Variants in FHIT observed in about 807,000 individuals in gnomAD.
FHIT encodes fragile histidine triad diadenosine triphosphatase, also known as bis(5'-adenosyl)-triphosphatase.
In FHIT, 19 loss-of-function variants were observed where a neutral mutation model predicts 17.9. The ratio of observed to expected loss-of-function variants is 1.06; its 90% CI spans 0.74 to 1.56. The LOEUF is 1.56. FHIT is among the 40% of genes most tolerant of loss of function. The pLI is 0.00. For missense variants in FHIT, 248 were observed against 189.2 expected, an observed-to-expected ratio of 1.31 and a Z score of -1.82; for synonymous variants, 81 against 69.7, an observed-to-expected ratio of 1.16 and a Z score of -0.81.
intron 4 of FHIT, among the ~76,000 whole-genome samples, chr3:60,611,315 T>C (rs1553673491): frequency 6.6e-6 from 1 of 152,158 alleles, no homozygotes; most frequent in East Asian, 1.9e-4. Flanking sequence ...TAGGTAGATG[T>C]TTATGGTAAA....
intron 5 of FHIT, among the ~76,000 whole-genome samples, chr3:60,445,151 A>C (rs1320720283): frequency 6.6e-6 from 1 of 152,062 alleles, no homozygotes; most frequent in Non-Finnish European, 1.5e-5. Context: ...TTGCTTGGAA[A>C]ACAGAGTAAG....
At chr3:59,965,495 G>A (rs1294511523) in intron 7 of FHIT, among the ~76,000 whole-genome samples, 1 of 152,088 alleles carries the variant, frequency 6.6e-6, no homozygotes, top group Non-Finnish European at 1.5e-5. Flanking sequence ...GCAGAACTGT[G>A]TCTTCTTCCA....
At chr3:59,794,497 C>T (rs1191995093) in intron 8 of FHIT, among the ~76,000 whole-genome samples, 1 of 152,128 alleles carries the variant, frequency 6.6e-6, no homozygotes, top group Non-Finnish European at 1.5e-5. Flanking sequence ...CTTAAATTAA[C>T]AAAAGTAGCC....
chr3:60,494,771 T>C (rs2034224637), intron 5 of FHIT, among the ~76,000 whole-genome samples: 1 of 152,210 alleles, frequency 6.6e-6, no homozygotes, highest in African/African-American at 2.4e-5. Flanking sequence ...CAGAATGACC[T>C]CCAGTTCCAT....
intron 3 of FHIT, among the ~76,000 whole-genome samples, chr3:60,867,555 G>C (rs1195081143): frequency 6.6e-6 from 1 of 152,138 alleles, no homozygotes; most frequent in African/African-American, 2.4e-5. Flanking sequence ...GATACTACTT[G>C]TTTCATCCAG....
At chr3:60,420,535 A>G (rs1409098622) in intron 5 of FHIT, among the ~76,000 whole-genome samples, 2 of 152,142 alleles carry the variant, frequency 1.3e-5, no homozygotes, top group African/African-American at 4.8e-5. Context: ...ATTTCTCCAC[A>G]TTCTAACAGC....
chr3:60,988,895 C>G (rs941037000), intron 3 of FHIT, among the ~76,000 whole-genome samples: 1 of 108,970 alleles, frequency 9.2e-6, no homozygotes, highest in Non-Finnish European at 1.7e-5. Context: ...TGATTCTAAA[C>G]GATACTTGTT....
intron 5 of FHIT, among the ~76,000 whole-genome samples, chr3:60,501,845 G>A (rs17609699): frequency 0.091 from 13,897 of 152,194 alleles, 772 homozygotes; most frequent in South Asian, 0.2. Flanking sequence ...TGTATATTAC[G>A]TGCATACACA....
intron 5 of FHIT, among the ~76,000 whole-genome samples, chr3:60,279,222 C>T (rs1390763): frequency 0.49 from 74,814 of 151,750 alleles, 19,319 homozygotes; most frequent in East Asian, 0.74. Context: ...ACTGATCTCA[C>T]GGATATTAAA....
At chr3:59,799,568 T>C (rs944448957) in intron 8 of FHIT, among the ~76,000 whole-genome samples, 3 of 152,104 alleles carry the variant, frequency 2.0e-5, no homozygotes, top group African/African-American at 7.2e-5. Flanking sequence ...AGTAAATAAA[T>C]TGGGTAAAGA....
At chr3:61,169,664 G>A (rs982333137) in intron 2 of FHIT, among the ~76,000 whole-genome samples, 1 of 152,108 alleles carries the variant, frequency 6.6e-6, no homozygotes, top group Non-Finnish European at 1.5e-5. Context: ...CTTTTAAAAT[G>A]ATACAAGACA....
intron 5 of FHIT, among the ~76,000 whole-genome samples, chr3:60,094,536 T>G (rs1203219588): frequency 2.0e-5 from 3 of 152,214 alleles, no homozygotes; most frequent in Non-Finnish European, 4.4e-5. Context: ...TTTCACTGTT[T>G]CCTATTCTGA....
At chr3:61,229,524 A>G (rs2040048607) in intron 1 of FHIT, among the ~76,000 whole-genome samples, 1 of 152,282 alleles carries the variant, frequency 6.6e-6, no homozygotes, top group South Asian at 2.1e-4. Flanking sequence ...ATAACTCCCA[A>G]TTACTTAGCT....
At chr3:60,346,404 C>A (rs1199570806) in intron 5 of FHIT, among the ~76,000 whole-genome samples, 1 of 152,136 alleles carries the variant, frequency 6.6e-6, no homozygotes, top group Non-Finnish European at 1.5e-5. Flanking sequence ...CTCTTGTCAA[C>A]TGGACATGCC....
rs538898626 is a variant in FHIT, at chr3:60,580,442, A to C, written c.-17-43463T>G. ...AATTATGATGATAGGAATTACTACTAGACTTTGAGTTTTAATCCCAGTAAC... is the reference window on the plus strand; with the variant it reads ...AATTATGATGATAGGAATTACTACTCGACTTTGAGTTTTAATCCCAGTAAC... On this transcript the variant is annotated intron_variant, in intron 4 of 9. Transcript: ENST00000492590. Among the ~76,000 whole-genome samples, 16 of 152,272 alleles carry C rather than the reference A, an allele frequency of 1.1e-4. No individual in the cohort carries two copies. In the East Asian group the frequency reaches 3.1e-3, roughly 29 times the overall value.
At chr3:60,547,419 T>C (rs533393768) in intron 4 of FHIT, among the ~76,000 whole-genome samples, 1 of 152,310 alleles carries the variant, frequency 6.6e-6, no homozygotes, top group African/African-American at 2.4e-5. Context: ...AACCCTACTC[T>C]CTCTTTATAA....
chr3:59,915,789 A>T (rs1575690132), intron 8 of FHIT, among the ~76,000 whole-genome samples: 1 of 152,126 alleles, frequency 6.6e-6, no homozygotes, highest in South Asian at 2.1e-4. Flanking sequence ...AGCATTAGCC[A>T]GGTGTGGTGG....
intron 2 of FHIT, among the ~76,000 whole-genome samples, chr3:61,134,100 T>TACACACACACACACACAC (rs150931006): frequency 0.041 from 5,507 of 134,840 alleles, 262 homozygotes; most frequent in African/African-American, 0.083. Flanking sequence ...CACACACACA[T>TACACACACACACACACAC]ACACACACAC....
intron 5 of FHIT, among the ~76,000 whole-genome samples, chr3:60,391,740 A>G (rs1701242119): frequency 6.6e-6 from 1 of 152,134 alleles, no homozygotes; most frequent in South Asian, 2.1e-4. Flanking sequence ...TATGATGTTC[A>G]TACAATGATG....
Sources: allele counts gnomAD v4.1 joint callset (sites outside exome capture counted in the v4.1 genomes callset), GRCh38; gene constraint gnomAD v4.1.1; transcripts MANE v1.5; gene names NCBI Gene and HGNC (gene_info 2026-07-23, HGNC 2026-07-21).